Variants in OSER1 observed in about 807,000 individuals in gnomAD.
OSER1 encodes oxidative stress responsive serine rich 1.
Under a neutral mutation model 26.3 loss-of-function variants are expected in OSER1, and 15 were observed. The observed-to-expected ratio is 0.57, with a 90% CI of 0.38 to 0.88. The LOEUF is 0.88. Among genes scored for constraint, OSER1 ranks in the 40% least tolerant of loss-of-function variants. The pLI, the probability that OSER1 is intolerant of heterozygous loss-of-function variation, is 0.00. For synonymous variants in OSER1, 127 were observed against 128.2 expected (o/e 0.99, Z 0.07); for missense variants, 313 against 353.9 (o/e 0.88, Z 0.93).
intron 3 of OSER1, among the ~76,000 whole-genome samples, chr20:44,198,672 TGAAAA>T (rs537395536): frequency 8.2e-4 from 124 of 151,632 alleles, no homozygotes; most frequent in African/African-American, 2.8e-3. Context: ...AAGAACTGAA[TGAAAA>T]GAAAAGATAC....
rs1319798675 is a variant in OSER1 at position 44,196,977 on chromosome 20, C to T, written c.*75G>A. On this transcript the variant is annotated 3_prime_UTR_variant, in exon 4 of 4. Coordinates refer to ENST00000255174, the MANE Select transcript of OSER1 (RefSeq NM_016470.8). ...GAGATGTCTTCTCACACAAAGTGGCCACAAGGTCTGCCATTAACTAAATCT... is the reference window on the plus strand; with the variant it reads ...GAGATGTCTTCTCACACAAAGTGGCTACAAGGTCTGCCATTAACTAAATCT... The T allele has an allele frequency of 9.4e-7, 1 of 1,065,440 alleles. No individual in the cohort carries two copies. Among genetic ancestry groups the T allele is most frequent in the South Asian group, 1.4e-5 (1 of 69,750 alleles). 66.0% of individuals were successfully genotyped at this position (1,065,440 alleles called of 1,614,324 possible).
chr20:44,204,669 C>G (rs1174438561), intron 2 of OSER1, among the ~76,000 whole-genome samples: 2 of 152,190 alleles, frequency 1.3e-5, no homozygotes, highest in Admixed American at 6.5e-5. Context: ...CGCCAGTAGT[C>G]AGCGGTGTCT....
chr20:44,208,790 T>C (rs888137456), intron 1 of OSER1, among the ~76,000 whole-genome samples: 4 of 152,204 alleles, frequency 2.6e-5, no homozygotes, highest in East Asian at 1.9e-4. Context: ...CGTTAGTCAA[T>C]GTTCAGCTCT....
At chr20:44,198,090 C>T (rs148315231) in intron 3 of OSER1, among the ~76,000 whole-genome samples, 83 of 152,294 alleles carry the variant, frequency 5.4e-4, no homozygotes, top group African/African-American at 1.9e-3. Flanking sequence ...CAACTGAAAC[C>T]GATCCTGTGA....
At chr20:44,205,837 G>A (rs2073032085) in intron 2 of OSER1, among the ~76,000 whole-genome samples, 1 of 151,828 alleles carries the variant, frequency 6.6e-6, no homozygotes, top group African/African-American at 2.4e-5. Context: ...CTACTCGGGA[G>A]GCTGAGGCAG....
chr20:44,202,382 A>G (rs1600493810), intron 3 of OSER1, among the ~76,000 whole-genome samples: 1 of 152,086 alleles, frequency 6.6e-6, no homozygotes, highest in East Asian at 1.9e-4. Context: ...TTCCATCTTA[A>G]GAAAAAAAAA....
chr20:44,207,978 C>T (rs1224993403), intron 1 of OSER1, among the ~76,000 whole-genome samples: 1 of 152,086 alleles, frequency 6.6e-6, no homozygotes, highest in Non-Finnish European at 1.5e-5. Flanking sequence ...ATTTTGAATA[C>T]AAATTAAGCA....
At chr20:44,199,583 G>C (rs2072960042) in intron 3 of OSER1, among the ~76,000 whole-genome samples, 1 of 152,128 alleles carries the variant, frequency 6.6e-6, no homozygotes, top group African/African-American at 2.4e-5. Context: ...AATAAGGAAA[G>C]GAAAAAAATA....
In OSER1 at chr20:44,197,484, A is replaced by T. The variant is rs767248800; in HGVS notation, c.447T>A (p.Pro149=). The T allele has an allele frequency of 1.2e-6, 2 of 1,614,036 alleles. No homozygotes were observed. The highest frequency in any genetic ancestry group is 2.7e-5 in the African/African-American group (2 of 74,918). The change falls in exon 4 of 4, where the codon CCT becomes CCA. Residue 149 remains proline (P), a synonymous_variant. Transcript: ENST00000255174. The part of the protein sequence containing the change: ...DANHTGAVVE[P]LRTSVPRLPS... ...GGAGCCTTGGAACAGAAGTTCTCAA[A>T]GGCTCAACGACTGCCCCTGTGTGAT... is the stretch of plus-strand genomic sequence containing the variant.
upstream of OSER1, chr20:44,210,885 C>T (rs1414423507): frequency 1.3e-5 from 2 of 152,144 alleles, no homozygotes; most frequent in African/African-American, 4.8e-5. Flanking sequence ...CCCAGTGACT[C>T]GGCAGCGCGG....
Position 44,197,006 on chromosome 20 carries a change from T to C in OSER1, c.*46A>G, listed in dbSNP as rs145184351. The stretch of plus-strand genomic sequence containing the variant: ...AGGTCTGCCATTAACTAAATCTCTT[T>C]GACAAGCCTTCATTGGTTTAAAGCA... On this transcript the variant is annotated 3_prime_UTR_variant, in exon 4 of 4. Transcript: ENST00000255174. The C allele has an allele frequency of 2.0e-4, 269 of 1,378,884 alleles. No homozygotes were observed. The African/African-American group carries it at 3.4e-3, about 17-fold the overall frequency. The allele number at this position is 1,378,884 out of a possible 1,614,324, so 85.4% of individuals were successfully genotyped here. A position where few individuals can be genotyped will look rare whatever the true frequency, so the allele number is the denominator to read the frequency against.
chr20:44,204,895 T>C (rs1328402531), intron 2 of OSER1, among the ~76,000 whole-genome samples: 1 of 152,118 alleles, frequency 6.6e-6, no homozygotes, highest in Non-Finnish European at 1.5e-5. Flanking sequence ...CGGAGTGCAG[T>C]GGCATGATCT....
chr20:44,206,745 G>A (rs1187032813), intron 2 of OSER1, 136 bp downstream of exon 2: 2 of 525,434 alleles, frequency 3.8e-6, no homozygotes. Context: ...GAATCTGGAA[G>A]AATGTCGCAC....
intron 2 of OSER1, among the ~76,000 whole-genome samples, chr20:44,205,042 C>T (rs1454438902): frequency 3.3e-5 from 5 of 151,974 alleles, no homozygotes; most frequent in Non-Finnish European, 5.9e-5. Context: ...ACCATGTTGC[C>T]GAGGCTGGTC....
Position 44,198,778 on chromosome 20 carries a change from G to A in OSER1, c.192-1039C>T, listed in dbSNP as rs377271911. ...GTAATCCCATCTTATCCATGGTTTCGCTTTCTACAGTTTCAGTTACCTGCA... is the reference window on the plus strand; with the variant it reads ...GTAATCCCATCTTATCCATGGTTTCACTTTCTACAGTTTCAGTTACCTGCA... On this transcript the variant is annotated intron_variant, in intron 3 of 3. Transcript: ENST00000255174. Among the ~76,000 whole-genome samples the A allele has an allele frequency of 3.3e-5, 5 of 152,242 alleles. No individual in the cohort carries two copies. The East Asian group carries it at 5.8e-4, about 18-fold the overall frequency.
At chr20:44,207,250 T>C (rs2145939013) in intron 1 of OSER1, 1 of 232,178 alleles carries the variant, frequency 4.3e-6, no homozygotes, top group Admixed American at 5.2e-5. Flanking sequence ...TTTTGGAAAC[T>C]AGATGATCTA....
In OSER1 at chr20:44,210,697, T is replaced by A. The variant is rs1405452903; in HGVS notation, c.-43A>T. 6.6e-6 allele frequency: 1 copy of A among 152,240 alleles called. No homozygotes were observed. Among genetic ancestry groups the A allele is most frequent in the African/African-American group, 2.4e-5 (1 of 41,428 alleles). 9.4% of individuals were successfully genotyped at this position (152,240 alleles called of 1,614,324 possible). On this transcript the variant is annotated splice_region_variant and 5_prime_UTR_variant, in exon 1 of 4. Coordinates refer to ENST00000255174, the MANE Select transcript of OSER1 (RefSeq NM_016470.8). ...TCCCCGTCACGTCAGGGCACTTACC[T>A]CCTCGCAGCTGGGACGCTCCGGTGA...
intron 3 of OSER1, among the ~76,000 whole-genome samples, chr20:44,201,558 G>A (rs1474753): frequency 0.9 from 137,256 of 152,090 alleles, 62,228 homozygotes; most frequent in East Asian, 1. Flanking sequence ...GAAGATATAA[G>A]CAAACAGAAA....
intron 3 of OSER1, among the ~76,000 whole-genome samples, chr20:44,198,265 AC>A (rs2072942805): frequency 6.6e-6 from 1 of 152,146 alleles, no homozygotes. Context: ...AATATTTACA[AC>A]CCCTGAGGTT....
Sources: gnomAD v4.1 joint callset for allele counts (sites outside exome capture counted in the v4.1 genomes callset) on GRCh38, gnomAD v4.1.1 for gene constraint, MANE v1.5 for transcripts, NCBI Gene and HGNC (gene_info 2026-07-23, HGNC 2026-07-21) for gene names.